Variants in LIMK2 observed in about 807,000 individuals in gnomAD.
LIMK2 encodes LIM domain kinase 2.
LIMK2 carries 35 observed loss-of-function variants against 75.7 expected under a neutral mutation model. The observed-to-expected ratio is 0.46, with a 90% confidence interval of 0.35 to 0.61. The LOEUF (loss-of-function observed/expected upper bound fraction) is 0.61, where lower values mean the gene tolerates loss of function less well. Ranked by LOEUF, LIMK2 falls within the 20% of genes least tolerant of loss-of-function variation. LIMK2 has a pLI of 0.00. For missense variants in LIMK2, 623 were observed against 831.0 expected, an observed-to-expected ratio of 0.75 and a Z score of 3.08; for synonymous variants, 301 against 319.2, an observed-to-expected ratio of 0.94 and a Z score of 0.61.
intron 2 of LIMK2, among the ~76,000 whole-genome samples, chr22:31,257,040 ATTTTTTTTTTTTTTTTTTTT>A (rs529919320): frequency 7.6e-4 from 57 of 75,078 alleles, no homozygotes; most frequent in Non-Finnish European, 8.3e-4. Context: ...GGAGCTATAG[ATTTTTTTTTTTTTTTTTTTT>A]TTTTTTTTTT....
chr22:31,255,978 C>CTTTTTTTTTTTTTTTTTTTTT (rs567250437), intron 2 of LIMK2, among the ~76,000 whole-genome samples: 2 of 29,638 alleles, frequency 6.7e-5, no homozygotes, highest in African/African-American at 1.2e-4. Flanking sequence ...TATATTGGGT[C>CTTTTTTTTTTTTTTTTTTTTT]TTTTTTTTTT....
chr22:31,237,058 G>A (rs1203050147), intron 2 of LIMK2, among the ~76,000 whole-genome samples: 2 of 145,292 alleles, frequency 1.4e-5, no homozygotes, highest in African/African-American at 2.6e-5. Context: ...TCAGGAGATC[G>A]AGACCATCCT....
intron 13 of LIMK2, 56 bp downstream of exon 13, chr22:31,272,760 T>C: frequency 6.6e-7 from 1 of 1,522,376 alleles, no homozygotes; most frequent in Non-Finnish European, 8.8e-7. Context: ...ATGCTGCCCT[T>C]GCATCAGAGC....
At chr22:31,250,608 G>C (rs1376347833) in intron 2 of LIMK2, among the ~76,000 whole-genome samples, 1 of 152,112 alleles carries the variant, frequency 6.6e-6, no homozygotes, top group African/African-American at 2.4e-5. Flanking sequence ...CCACATTCCT[G>C]AAGTCACTTC....
At chr22:31,228,131 G>A (rs1319592511) in intron 2 of LIMK2, among the ~76,000 whole-genome samples, 1 of 152,008 alleles carries the variant, frequency 6.6e-6, no homozygotes, top group African/African-American at 2.4e-5. Flanking sequence ...TAAGAGTACA[G>A]GCAGGCCAGG....
intron 2 of LIMK2, among the ~76,000 whole-genome samples, chr22:31,244,195 G>T (rs956091951): frequency 6.6e-6 from 1 of 152,212 alleles, no homozygotes; most frequent in Non-Finnish European, 1.5e-5. Context: ...GTCGCCGCTG[G>T]AACAGCAGAG....
intron 1 of LIMK2, among the ~76,000 whole-genome samples, chr22:31,221,339 C>A (rs995597085): frequency 1.3e-5 from 2 of 151,524 alleles, no homozygotes; most frequent in African/African-American, 2.4e-5. Context: ...TTCCTTCCCC[C>A]CTTTTTTGCC....
rs541236463 is a variant in LIMK2, at chr22:31,276,740, G to C, written c.1772+1432G>C. ...GCGCGGCGTTGGCGGCCCCGGCCCC[G>C]GCCCCCAGGCCAGGCAGTGGCGGCC... On this transcript the variant is annotated intron_variant, in intron 15 of 15. Transcript: ENST00000331728. The C allele has an allele frequency of 3.2e-5, 49 of 1,530,986 alleles. No individual in the cohort carries two copies. The East Asian group carries it at 1.1e-3, about 34-fold the overall frequency. The allele number at this position is 1,530,986 out of a possible 1,614,324, so 94.8% of individuals were successfully genotyped here. A position where few individuals can be genotyped will look rare whatever the true frequency, so the allele number is the denominator to read the frequency against.
At chr22:31,240,018 G>A (rs2048611334) in intron 2 of LIMK2, among the ~76,000 whole-genome samples, 1 of 152,138 alleles carries the variant, frequency 6.6e-6, no homozygotes, top group African/African-American at 2.4e-5. Flanking sequence ...TCAAGGAATG[G>A]CATGCCTTCT....
rs772035410 is a variant in LIMK2, at chr22:31,259,988, C to A, written c.462C>A (p.Ser154=). 1 of 1,611,798 alleles carries A rather than the reference C, an allele frequency of 6.2e-7. No homozygotes were observed. The highest frequency in any genetic ancestry group is 1.3e-5 in the African/African-American group (1 of 74,816). ...EQLPYSVTLI[S]MPATTEGRRG... is the part of the protein sequence containing the mutation. ...TGCCCTACTCTGTCACGCTCATCTC[C>A]ATGCCGGCCACCACTGAAGGCAGGC... The change falls in exon 5 of 16, where the codon TCC becomes TCA. Residue 154 remains serine (S), a synonymous_variant. Coordinates refer to ENST00000331728, the MANE Select transcript of LIMK2 (RefSeq NM_005569.4).
rs149497468 is a variant in LIMK2 at position 31,265,281 on chromosome 22, G to A, written c.855-665G>A. On this transcript the variant is annotated intron_variant, in intron 7 of 15. Coordinates refer to ENST00000331728, the MANE Select transcript of LIMK2 (RefSeq NM_005569.4). ...CTTGGGAGGCTGAGGCAGGAGAATC[G>A]CTTGAACCTGGAAGGCGGAGGTCGC... 5.5e-3 allele frequency among the ~76,000 whole-genome samples: 831 copies of A among 149,796 alleles called. 9 individuals are homozygous for A. Among genetic ancestry groups the A allele is most frequent in the African/African-American group, 0.019 (777 of 40,442 alleles).
intron 2 of LIMK2, among the ~76,000 whole-genome samples, chr22:31,241,132 C>T (rs1223406302): frequency 6.6e-6 from 1 of 152,228 alleles, no homozygotes; most frequent in East Asian, 1.9e-4. Flanking sequence ...GATTCTGATT[C>T]TGTATATCTG....
Position 31,258,297 on chromosome 22 carries a change from A to G in LIMK2, c.123A>G (p.Ser41=), listed in dbSNP as rs776932600. 1 of 1,604,166 alleles carries G rather than the reference A, an allele frequency of 6.2e-7. No individual in the cohort carries two copies. The highest frequency in any genetic ancestry group is 8.5e-7 in the Non-Finnish European group (1 of 1,173,450). The change falls in exon 3 of 16, where the codon TCA becomes TCG. Residue 41 remains serine, a synonymous_variant. Transcript: ENST00000331728. The stretch of plus-strand genomic sequence containing the variant: ...TTCTTGTCTTGCCTTTCAGGTGTTC[A>G]GAATGCCAGGATTCCCTCACCAACT... ...ETWHGSCFRC[S]ECQDSLTNWY...
At chr22:31,243,577 C>A (rs950150360) in intron 2 of LIMK2, among the ~76,000 whole-genome samples, 1 of 152,212 alleles carries the variant, frequency 6.6e-6, no homozygotes, top group Non-Finnish European at 1.5e-5. Context: ...AGACCTGTGC[C>A]TCAGCTGGTT....
At chr22:31,258,008 C>A (rs1249103612) in intron 2 of LIMK2, among the ~76,000 whole-genome samples, 1 of 152,110 alleles carries the variant, frequency 6.6e-6, no homozygotes, top group Non-Finnish European at 1.5e-5. Context: ...CTAGGGGAGG[C>A]TTCTTGGCTT....
At chr22:31,222,538 C>A (rs1409884894) in intron 1 of LIMK2, among the ~76,000 whole-genome samples, 4 of 151,810 alleles carry the variant, frequency 2.6e-5, no homozygotes, top group Admixed American at 6.6e-5. Flanking sequence ...CCATGCCCAG[C>A]CAATTTTTGT....
chr22:31,242,624 A>G (rs1462904248), intron 2 of LIMK2, among the ~76,000 whole-genome samples: 2 of 152,216 alleles, frequency 1.3e-5, no homozygotes, highest in African/African-American at 2.4e-5. Context: ...TGGGCTTCCA[A>G]TTCTCCATTC....
intron 2 of LIMK2, among the ~76,000 whole-genome samples, chr22:31,239,867 C>G (rs1363210446): frequency 6.6e-6 from 1 of 151,512 alleles, no homozygotes; most frequent in East Asian, 1.9e-4. Flanking sequence ...CAGTATGCAC[C>G]ATTACCATCT....
At chr22:31,255,997 T>C (rs2048775975) in intron 2 of LIMK2, among the ~76,000 whole-genome samples, 3 of 113,726 alleles carry the variant, frequency 2.6e-5, no homozygotes, top group African/African-American at 3.4e-5. Flanking sequence ...TTTTTTTTTT[T>C]TTTTTTTTTT....
Sources: gnomAD v4.1 joint callset for allele counts (sites outside exome capture counted in the v4.1 genomes callset) on GRCh38, gnomAD v4.1.1 for gene constraint, MANE v1.5 for transcripts, NCBI Gene and HGNC (gene_info 2026-07-23, HGNC 2026-07-21) for gene names.